The following SH3TC2 variants were observed in gnomAD, a reference collection of about 807,000 sequenced individuals.
SH3TC2 encodes SH3 domain and tetratricopeptide repeat-containing protein 2.
Under a neutral mutation model 124.5 loss-of-function variants are expected in SH3TC2, and 87 were observed. That is an observed-to-expected ratio of 0.70 (90% CI 0.59 to 0.84). The LOEUF is 0.84. Ranked by LOEUF, SH3TC2 falls within the 40% of genes least tolerant of loss-of-function variation. The pLI, the probability that SH3TC2 is intolerant of heterozygous loss-of-function variation, is 0.00. For synonymous variants in SH3TC2, 634 were observed against 628.5 expected (o/e 1.01, Z -0.13); for missense variants, 1,536 against 1,566.4 (o/e 0.98, Z 0.33).
intron 5 of SH3TC2, 117 bp from the exon 6 acceptor site, chr5:149,041,734 G>T: frequency 8.7e-7 from 1 of 1,145,458 alleles, no homozygotes; most frequent in Non-Finnish European, 1.3e-6. Context: ...TGGAAGTAAA[G>T]TAGACGTTTC....
In SH3TC2 at chr5:149,028,644, A is replaced by T. The variant is rs373165701; in HGVS notation, c.1177+33T>A. On this transcript the variant is annotated intron_variant, in intron 10 of 16. Transcript: ENST00000515425. ...GAGGACAGAAGTGCTGTCCTCAAGG[A>T]TGAATGTCAGGTTCAGCATGATCGC... 5.0e-6 allele frequency: 8 copies of T among 1,614,056 alleles called. No individual in the cohort carries two copies. The African/African-American group carries it at 1.1e-4, about 22-fold the overall frequency.
rs7733177 is a variant in SH3TC2, at chr5:148,995,955, C to A, written c.*8756G>T. On this transcript the variant is annotated 3_prime_UTR_variant, in exon 17 of 17. Transcript: ENST00000515425. ...ACATGAGGAAAAAGAAAAAAGAGAC[C>A]AACTGGCCGGGTGCCATGGCTCACA... is the stretch of plus-strand genomic sequence containing the variant. 0.084 allele frequency among the ~76,000 whole-genome samples: 12,709 copies of A among 151,920 alleles called. 1,048 individuals carry two copies. Among genetic ancestry groups the A allele is most frequent in the Admixed American group, 0.18 (2,811 of 15,250 alleles).
intron 1 of SH3TC2, among the ~76,000 whole-genome samples, chr5:149,054,643 T>C (rs1438298540): frequency 6.6e-6 from 1 of 152,210 alleles, no homozygotes. Flanking sequence ...ATAACCCAGA[T>C]GCTTGAGTTT....
At chr5:149,014,815 G>A (rs1753843438) in intron 12 of SH3TC2, among the ~76,000 whole-genome samples, 1 of 152,190 alleles carries the variant, frequency 6.6e-6, no homozygotes. Flanking sequence ...TCTGTACCCT[G>A]CAAACTCAAG....
chr5:148,983,246 G>A lies in SH3TC2; in HGVS notation c.*21465C>T, dbSNP rs1457846049. Among the ~76,000 whole-genome samples, 2 of 152,128 alleles carry A rather than the reference G, an allele frequency of 1.3e-5. No homozygotes were observed. Among genetic ancestry groups the A allele is most frequent in the African/African-American group, 4.8e-5 (2 of 41,406 alleles). On this transcript the variant is annotated 3_prime_UTR_variant, in exon 17 of 17. Transcript: ENST00000515425. ...CATTCGTTTGTTTGTTTTTCAAATT[G>A]CCACTTACCATTTTTAGTACAAATT...
In SH3TC2 at chr5:149,000,843, T is replaced by C. The variant is rs1453835504; in HGVS notation, c.*3868A>G. ...ACTCACCTGTAAAAAGAAGATAATA[T>C]AATTGAGCTATAAAAATATATTATT... is the stretch of plus-strand genomic sequence containing the variant. On this transcript the variant is annotated 3_prime_UTR_variant, in exon 17 of 17. Coordinates refer to ENST00000515425, the MANE Select transcript of SH3TC2 (RefSeq NM_024577.4). Among the ~76,000 whole-genome samples the C allele has an allele frequency of 6.6e-6, 1 of 152,202 alleles. No individual in the cohort carries two copies. The highest frequency in any genetic ancestry group is 1.5e-5 in the Non-Finnish European group (1 of 68,046).
chr5:149,012,584 C>A lies in SH3TC2; in HGVS notation c.3204G>T (p.Gln1068His), dbSNP rs533879537. The A allele has an allele frequency of 3.7e-6, 6 of 1,614,144 alleles. No individual in the cohort carries two copies. Among genetic ancestry groups the A allele is most frequent in the African/African-American group, 1.3e-5 (1 of 75,030 alleles). ...CCAGAGAGCTCTGCAGGAGGCCTAC[C>A]TGCAGGCACAGCTCCACCAGCTCGT... ...QEDELVELCLQAAIQTALKSE... is the reference protein window; with the variant it reads ...QEDELVELCLHAAIQTALKSE... The change falls in exon 13 of 17, where the codon CAG (glutamine) becomes CAT (histidine). Residue 1068 changes from glutamine to histidine, a missense_variant and splice_region_variant. This residue lies in a region of SH3TC2 where 426 missense variants were observed against 443.5 expected (regional missense o/e 0.96). Coordinates refer to ENST00000515425, the MANE Select transcript of SH3TC2 (RefSeq NM_024577.4).
chr5:149,028,761 G>A (rs1440791913), intron 9 of SH3TC2, 43 bp from the exon 10 acceptor site: 2 of 1,609,616 alleles, frequency 1.2e-6, no homozygotes. Context: ...GGTCAGGATG[G>A]GCCACCATGC....
At position 148,998,262 on chromosome 5, in the gene SH3TC2, A is replaced by T. The variant is rs1424505874; in HGVS notation, c.*6449T>A. On this transcript the variant is annotated 3_prime_UTR_variant, in exon 17 of 17. Coordinates refer to ENST00000515425, the MANE Select transcript of SH3TC2 (RefSeq NM_024577.4). Reference sequence around the variant, plus strand: ...CCACAACAACAACAACATAACAACAAAAAAGGATTTGACAGCCACTACCCT... The same window carrying T: ...CCACAACAACAACAACATAACAACATAAAAGGATTTGACAGCCACTACCCT... Among the ~76,000 whole-genome samples, 1 of 152,248 alleles carries T rather than the reference A, an allele frequency of 6.6e-6. No homozygotes were observed. The highest frequency in any genetic ancestry group is 2.4e-5 in the African/African-American group (1 of 41,460).
Position 148,992,130 on chromosome 5 carries a change from T to C in SH3TC2, c.*12581A>G, listed in dbSNP as rs1199614693. ...GGTAATAAGAGGTAACAATTGAACA[T>C]TTAGCTGTTTCATCCAACAGCCCTA... On this transcript the variant is annotated 3_prime_UTR_variant, in exon 17 of 17. Coordinates refer to ENST00000515425, the MANE Select transcript of SH3TC2 (RefSeq NM_024577.4). Among the ~76,000 whole-genome samples, 1 of 152,234 alleles carries C rather than the reference T, an allele frequency of 6.6e-6. No homozygotes were observed. Among genetic ancestry groups the C allele is most frequent in the Non-Finnish European group, 1.5e-5 (1 of 68,034 alleles).
At chr5:149,052,665 A>G (rs1340435072) in intron 1 of SH3TC2, among the ~76,000 whole-genome samples, 4 of 152,156 alleles carry the variant, frequency 2.6e-5, no homozygotes, top group African/African-American at 9.7e-5. Flanking sequence ...GTGTGGTTAT[A>G]ATGGCCCTGA....
chr5:149,014,477 A>G (rs1187150670), intron 12 of SH3TC2, among the ~76,000 whole-genome samples: 1 of 152,306 alleles, frequency 6.6e-6, no homozygotes, highest in East Asian at 1.9e-4. Context: ...CATGAGGGAA[A>G]CAAGCATTGC....
chr5:149,044,917 G>T (rs767037559), intron 3 of SH3TC2: 2 of 289,446 alleles, frequency 6.9e-6, no homozygotes, highest in Non-Finnish European at 1.3e-5. Flanking sequence ...GCTATACAGC[G>T]GCAGCAGCAA....
chr5:149,046,578 C>T (rs1754467170), intron 3 of SH3TC2: 1 of 152,144 alleles, frequency 6.6e-6, no homozygotes. Flanking sequence ...GGCCAAGGCA[C>T]AGAGAGGTTA....
At position 149,028,514 on chromosome 5, in the gene SH3TC2, T is replaced by A. The variant is rs777038443; in HGVS notation, c.1218A>T (p.Arg406Ser). The A allele has an allele frequency of 1.9e-6, 3 of 1,613,648 alleles. No individual in the cohort carries two copies. Reference sequence around the variant, plus strand: ...CCACGGCCTGATGCTCCTCCCAGGCTCTGCCAGGCCTGACCTCCTTGAAAC... The same window carrying A: ...CCACGGCCTGATGCTCCTCCCAGGCACTGCCAGGCCTGACCTCCTTGAAAC... ...PEGFKEVRPG[R>S]AWEEHQAVGS... Residue 406 changes from arginine to serine, a missense_variant, in exon 11 of 17, where the codon AGA (arginine) becomes AGT (serine). By Grantham distance (110) the Arg-to-Ser change is moderately radical (BLOSUM62 -1). Around this residue, in one of 3 missense-constraint regions of SH3TC2, gnomAD observed 1,102 missense variants for 1,098.6 expected, o/e 1.00. Transcript: ENST00000515425.
intron 12 of SH3TC2, among the ~76,000 whole-genome samples, chr5:149,014,603 C>G (rs549425699): frequency 6.6e-6 from 1 of 152,346 alleles, no homozygotes; most frequent in South Asian, 2.1e-4. Flanking sequence ...TTCTCTTCCT[C>G]CCTGCTCTTA....
At chr5:149,057,762 C>T (rs1754676407) in intron 1 of SH3TC2, 1 of 152,214 alleles carries the variant, frequency 6.6e-6, no homozygotes, top group African/African-American at 2.4e-5. Flanking sequence ...CAGTCCTGGA[C>T]TCAAACCCTG....
intron 12 of SH3TC2, 77 bp downstream of exon 12, chr5:149,026,495 G>A (rs1326297318): frequency 4.3e-5 from 68 of 1,573,998 alleles, no homozygotes; most frequent in Non-Finnish European, 5.8e-5. Context: ...ATTTGGACTT[G>A]CTTCCTGTGG....
At position 148,992,600 on chromosome 5, in the gene SH3TC2, G is replaced by GTTTTTTTTTTT. The variant is rs35182601; in HGVS notation, c.*12100_*12110dup. 8.8e-5 allele frequency among the ~76,000 whole-genome samples: 9 copies of GTTTTTTTTTTT among 102,500 alleles called. No individual in the cohort carries two copies. Among genetic ancestry groups the GTTTTTTTTTTT allele is most frequent in the Admixed American group, 1.2e-4 (1 of 8,438 alleles). The allele number at this position is 102,500 out of a possible 152,430, so 67.2% of individuals were successfully genotyped here. A position where few individuals can be genotyped will look rare whatever the true frequency, so the allele number is the denominator to read the frequency against. On this transcript the variant is annotated 3_prime_UTR_variant, in exon 17 of 17. Coordinates refer to ENST00000515425, the MANE Select transcript of SH3TC2 (RefSeq NM_024577.4). Reference sequence around the variant, plus strand: ...ATAATTCCAAGAAGAGATTTCATTGGTTTTTTTTTTTTTTTTTTTTTTCAG... The same window carrying GTTTTTTTTTTT: ...ATAATTCCAAGAAGAGATTTCATTGGTTTTTTTTTTTTTTTTTTTTTTTTTTTTTTTTTCAG...
Sources: gnomAD v4.1 joint callset for allele counts (sites outside exome capture counted in the v4.1 genomes callset) on GRCh38, gnomAD v4.1.1 for gene constraint, gnomAD v4.1.1 regional missense constraint, MANE v1.5 for transcripts, NCBI Gene and HGNC (gene_info 2026-07-23, HGNC 2026-07-21) for gene names.